CYP3A7: variants seen among roughly 807,000 people sequenced by gnomAD.
CYP3A7 encodes the protein cytochrome P450 3A7.
Under a neutral mutation model 55.2 loss-of-function variants are expected in CYP3A7, and 45 were observed. The observed-to-expected ratio is 0.82, with a 90% CI of 0.64 to 1.05. The LOEUF (loss-of-function observed/expected upper bound fraction) is 1.05. Among genes scored for constraint, CYP3A7 ranks in the 50% least tolerant of loss-of-function variants. CYP3A7 has a pLI of 0.00. For synonymous variants in CYP3A7, 180 were observed against 207.4 expected, an observed-to-expected ratio of 0.87 and a Z score of 1.13; for missense variants, 548 against 605.3, an observed-to-expected ratio of 0.91 and a Z score of 0.99.
intron 12 of CYP3A7, among the ~76,000 whole-genome samples, chr7:99,706,936 A>T (rs1813548912): frequency 6.6e-6 from 1 of 152,234 alleles, no homozygotes; most frequent in Non-Finnish European, 1.5e-5. Flanking sequence ...ACATTCTTAG[A>T]TAAAGAGAAA....
rs1263333992 is a variant in CYP3A7 at position 99,708,074 on chromosome 7, GTACACAGGATACTTTTGTGGGCTAGT to G, written c.1254-126_1254-101del. 2.9e-5 allele frequency: 44 copies of G among 1,532,792 alleles called. 1 individual carries two copies. The highest frequency in any genetic ancestry group is 2.9e-5 in the Non-Finnish European group (32 of 1,111,402). The allele number at this position is 1,532,792 out of a possible 1,614,324, so 94.9% of individuals were successfully genotyped here. On this transcript the variant is annotated intron_variant, in intron 11 of 12. Transcript: ENST00000336374. ...CTTAGGGCCCACCCCTCTACTAGCA[GTACACAGGATACTTTTGTGGGCTAGT>G]CACTGAAATCCTGCTATGCATATTT...
chr7:99,714,417 T>A, intron 8 of CYP3A7, 138 bp downstream of exon 8: 1 of 1,372,828 alleles, frequency 7.3e-7, no homozygotes, highest in Non-Finnish European at 9.7e-7. Flanking sequence ...ACCAAATGAA[T>A]TATCTTGCTC....
chr7:99,723,660 T>TC (rs1426700382), intron 2 of CYP3A7, among the ~76,000 whole-genome samples: 1 of 152,176 alleles, frequency 6.6e-6, no homozygotes, highest in Non-Finnish European at 1.5e-5. Context: ...GAGATCCACC[T>TC]CTTGGGTCCT....
chr7:99,719,597 TA>T (rs34154522), intron 4 of CYP3A7, among the ~76,000 whole-genome samples: 1 of 151,828 alleles, frequency 6.6e-6, no homozygotes, highest in African/African-American at 2.4e-5. Context: ...GCACAATCCA[TA>T]AAAAAATATT....
chr7:99,715,851 T>C lies in CYP3A7; in HGVS notation c.577A>G (p.Ile193Val), dbSNP rs139961700. Residue 193 changes from isoleucine to valine, a missense_variant, in exon 7 of 13, where the codon ATC becomes GTC. Physicochemically the swap from Ile to Val is conservative, Grantham distance 29. Transcript: ENST00000336374. ...VITSTSFGVSIDSLNNPQDPF... is the reference protein window; with the variant it reads ...VITSTSFGVSVDSLNNPQDPF... ...TCTTGTGGATTGTTGAGAGAGTCGA[T>C]GCTCACTCCAAATGATGTGCTAGTG... 2 of 1,613,820 alleles carry C rather than the reference T, an allele frequency of 1.2e-6. No homozygotes were observed. Among genetic ancestry groups the C allele is most frequent in the African/African-American group, 2.7e-5 (2 of 74,916 alleles).
At chr7:99,720,566 A>C in intron 3 of CYP3A7, 154 bp from the exon 4 acceptor site, 29 of 793,996 alleles carry the variant, frequency 3.7e-5, no homozygotes, top group Non-Finnish European at 5.8e-5. Context: ...GGTATAACTC[A>C]CAGCAAGAGT....
intron 2 of CYP3A7, 65 bp downstream of exon 2, chr7:99,730,994 A>G: frequency 6.3e-7 from 1 of 1,589,324 alleles, no homozygotes; most frequent in East Asian, 2.2e-5. Context: ...AAGCATTTTT[A>G]CTGATGGAAC....
At chr7:99,705,674 T>A in intron 12 of CYP3A7, 79 bp from the exon 13 acceptor site, 1 of 1,528,086 alleles carries the variant, frequency 6.5e-7, no homozygotes, top group Non-Finnish European at 9.0e-7. Flanking sequence ...TAAAAAAAAA[T>A]TACTGACAAT....
At chr7:99,726,165 A>G (rs756209610) in intron 2 of CYP3A7, among the ~76,000 whole-genome samples, 3 of 152,094 alleles carry the variant, frequency 2.0e-5, no homozygotes, top group Non-Finnish European at 2.9e-5. Flanking sequence ...ACCCACAGGT[A>G]TGGGACACCT....
At position 99,710,740 on chromosome 7, in the gene CYP3A7, G is replaced by A. The variant is rs752990102; in HGVS notation, c.1018C>T (p.Pro340Ser). ...KVQKEIDTVL[P>S]NKAPPTYDTV... ...ATGTACTGTCCACTCACCTTATTGG[G>A]TAAAACTGTATCAATTTCCTTCTGC... Residue 340 changes from proline (P) to serine (S), a missense_variant, in exon 10 of 13, where the codon CCC becomes TCC. Transcript: ENST00000336374. The A allele has an allele frequency of 1.2e-6, 2 of 1,613,798 alleles. No homozygotes were observed. Among genetic ancestry groups the A allele is most frequent in the East Asian group, 2.2e-5 (1 of 44,864 alleles).
At chr7:99,734,007 C>A (rs1814731085) in intron 1 of CYP3A7, among the ~76,000 whole-genome samples, 1 of 152,144 alleles carries the variant, frequency 6.6e-6, no homozygotes, top group Non-Finnish European at 1.5e-5. Context: ...CATTTATTGT[C>A]ACAAATACTG....
intron 6 of CYP3A7, among the ~76,000 whole-genome samples, chr7:99,716,219 A>G (rs1373634689): frequency 1.3e-5 from 2 of 152,184 alleles, no homozygotes; most frequent in Non-Finnish European, 2.9e-5. Flanking sequence ...TTAATTGTGG[A>G]TGATACAAGA....
rs45446903 is a variant in CYP3A7, at chr7:99,717,691, A to T, written c.319-52T>A. 14,115 of 1,599,646 alleles carry T rather than the reference A, an allele frequency of 8.8e-3. 888 individuals carry two copies. In the African/African-American group the frequency reaches 0.15, roughly 17 times the overall value. On this transcript the variant is annotated intron_variant, in intron 4 of 12. Transcript: ENST00000336374. ...TCCTACATCAGTTGTGGAGGTCTCC[A>T]TGGTTGTAGAAAATGTGTTAAACAG...
chr7:99,726,126 G>A (rs536007405), intron 2 of CYP3A7, among the ~76,000 whole-genome samples: 6 of 152,010 alleles, frequency 3.9e-5, no homozygotes, highest in African/African-American at 7.2e-5. Flanking sequence ...AGCCTCCTTC[G>A]TGTCTTCCTC....
intron 11 of CYP3A7, 81 bp downstream of exon 11, chr7:99,708,954 G>T: frequency 2.0e-6 from 3 of 1,472,878 alleles, no homozygotes; most frequent in South Asian, 1.1e-5. Flanking sequence ...GATTGTACAA[G>T]CCCAGACTGT....
rs1412171110 is a variant in CYP3A7, at chr7:99,705,532, C to T, written c.1480G>A (p.Glu494Lys). The change falls in exon 13 of 13, where the codon GAG becomes AAG. Residue 494 changes from glutamate to lysine, a missense_variant. By Grantham distance (56) the Glu-to-Lys change is moderately conservative. Coordinates refer to ENST00000336374, the MANE Select transcript of CYP3A7 (RefSeq NM_000765.5). ...CCACTTACGGTCTCATCCCTTGACT[C>T]AGCCTTTAGAACAATGGGTTTTTCT... ...LTEKPIVLKAESRDETVSGA is the reference protein window; with the variant it reads ...LTEKPIVLKAKSRDETVSGA 7 of 1,613,616 alleles carry T rather than the reference C, an allele frequency of 4.3e-6. No individual in the cohort carries two copies. The highest frequency in any genetic ancestry group is 5.9e-6 in the Non-Finnish European group (7 of 1,179,720).
Position 99,726,857 on chromosome 7 carries a change from G to A in CYP3A7, c.165+4202C>T, listed in dbSNP as rs139923210. ...CTCAAATTTCTTCTCCATCCGTTAC[G>A]TACCTCAGCATAATTCTTCATGAAA... On this transcript the variant is annotated intron_variant, in intron 2 of 12. Transcript: ENST00000336374. 3.3e-3 allele frequency among the ~76,000 whole-genome samples: 495 copies of A among 152,170 alleles called. 1 individual carries two copies. Among genetic ancestry groups the A allele is most frequent in the African/African-American group, 0.012 (480 of 41,502 alleles).
chr7:99,709,194 CT>C lies in CYP3A7; in HGVS notation c.1093del (p.Arg365AspfsTer7). 1 of 1,613,996 alleles carries C rather than the reference CT, an allele frequency of 6.2e-7. No individual in the cohort carries two copies. Among genetic ancestry groups the C allele is most frequent in the East Asian group, 2.2e-5 (1 of 44,864 alleles). ...YLDMVVNETL[R>X]LFPVAMRLER... is the part of the protein sequence containing the mutation. The stretch of plus-strand genomic sequence containing the variant: ...AAGTCTCATAGCAACTGGGAATAAT[CT>C]GAGTGTTTCATTCACCACCATGTCA... On this transcript the variant is annotated frameshift_variant, in exon 11 of 13. Coordinates refer to ENST00000336374, the MANE Select transcript of CYP3A7 (RefSeq NM_000765.5). LOFTEE classifies it high-confidence loss of function.
intron 4 of CYP3A7, 115 bp downstream of exon 4, chr7:99,720,198 G>A: frequency 7.6e-7 from 1 of 1,313,454 alleles, no homozygotes; most frequent in Non-Finnish European, 1.1e-6. Flanking sequence ...AGGATGAAGT[G>A]TACATGGAAC....
Sources: gnomAD v4.1 joint callset for allele counts (sites outside exome capture counted in the v4.1 genomes callset) on GRCh38, gnomAD v4.1.1 for gene constraint, MANE v1.5 for transcripts, NCBI Gene and HGNC (gene_info 2026-07-23, HGNC 2026-07-21) for gene names.